Variants in MAST4 observed in about 807,000 individuals in gnomAD.
The protein encoded by MAST4 is microtubule-associated serine/threonine-protein kinase 4.
A neutral mutation model predicts 162.7 loss-of-function variants in MAST4; 89 were observed. The ratio of observed to expected loss-of-function variants is 0.55; its 90% CI spans 0.46 to 0.65. The LOEUF (loss-of-function observed/expected upper bound fraction) is 0.65. MAST4 is among the 30% of genes least tolerant of loss of function. The pLI, the probability that MAST4 is intolerant of heterozygous loss-of-function variation, is 0.00. For synonymous variants in MAST4, 1,479 were observed against 1,361.1 expected (o/e 1.09, Z -1.91); for missense variants, 3,153 against 3,374.0 (o/e 0.93, Z 1.62).
At chr5:67,035,423 G>A (rs1755890217) in intron 4 of MAST4, among the ~76,000 whole-genome samples, 1 of 152,166 alleles carries the variant, frequency 6.6e-6, no homozygotes, top group Non-Finnish European at 1.5e-5. Context: ...TGGTATTGTG[G>A]GTTGTCATTG....
intron 2 of MAST4, among the ~76,000 whole-genome samples, chr5:66,774,995 C>CTGTGTGTGTGTG (rs33936607): frequency 4.9e-5 from 7 of 142,158 alleles, no homozygotes; most frequent in African/African-American, 1.6e-4. Context: ...TATCCTTTTC[C>CTGTGTGTGTGTG]TGTGTGTGTG....
At chr5:67,101,119 G>C (rs957343566) in intron 8 of MAST4, among the ~76,000 whole-genome samples, 1 of 152,194 alleles carries the variant, frequency 6.6e-6, no homozygotes, top group Non-Finnish European at 1.5e-5. Context: ...CAGTTTTACT[G>C]TGAGTTTGTT....
chr5:66,963,831 G>T (rs1362705954), intron 4 of MAST4: 1 of 778,096 alleles, frequency 1.3e-6, no homozygotes. Flanking sequence ...TTGTCTTTCT[G>T]TTGCCCCATT....
At chr5:66,974,514 G>A (rs573274580) in intron 4 of MAST4, among the ~76,000 whole-genome samples, 1 of 152,286 alleles carries the variant, frequency 6.6e-6, no homozygotes, top group South Asian at 2.1e-4. Context: ...TTTGGGTTCT[G>A]GTAGTATTCA....
At chr5:67,078,047 C>G (rs1255081064) in intron 5 of MAST4, among the ~76,000 whole-genome samples, 2 of 152,062 alleles carry the variant, frequency 1.3e-5, no homozygotes, top group Non-Finnish European at 2.9e-5. Context: ...TACAGTGAGC[C>G]AAGATCGCGC....
intron 4 of MAST4, among the ~76,000 whole-genome samples, chr5:67,044,087 G>A (rs550624846): frequency 6.6e-6 from 1 of 152,312 alleles, no homozygotes; most frequent in African/African-American, 2.4e-5. Context: ...TTTATACTAT[G>A]TTTTAGGTAG....
intron 7 of MAST4, among the ~76,000 whole-genome samples, chr5:67,099,433 TA>T (rs1021858741): frequency 2.0e-5 from 3 of 152,104 alleles, no homozygotes; most frequent in African/African-American, 7.2e-5. Context: ...CTTTAGGCAT[TA>T]ATTTCTAGTT....
At position 66,615,883 on chromosome 5, in the gene MAST4, A is replaced by G. The variant is rs114048685; in HGVS notation, c.363+18865A>G. Among the ~76,000 whole-genome samples the G allele has an allele frequency of 3.5e-3, 539 of 152,342 alleles. 6 individuals are homozygous for G. Among genetic ancestry groups the G allele is most frequent in the African/African-American group, 0.012 (508 of 41,578 alleles). The stretch of plus-strand genomic sequence containing the variant: ...TCTCAAAGGTCATGTTTTTCCTTCT[A>G]TCCCTCCCATTTGCCTGCCCTCAGC... On this transcript the variant is annotated intron_variant, in intron 1 of 28. Transcript: ENST00000403625.
chr5:66,990,216 C>T (rs1415316298), intron 4 of MAST4, among the ~76,000 whole-genome samples: 3 of 152,156 alleles, frequency 2.0e-5, no homozygotes, highest in African/African-American at 7.2e-5. Context: ...AAAATACTAA[C>T]TATCCTAGCA....
At chr5:67,008,874 T>C (rs1228223468) in intron 4 of MAST4, among the ~76,000 whole-genome samples, 1 of 152,224 alleles carries the variant, frequency 6.6e-6, no homozygotes, top group African/African-American at 2.4e-5. Context: ...TTTTTATGCA[T>C]TCGGCATCTT....
At chr5:67,047,774 G>A (rs1757557359) in intron 4 of MAST4, among the ~76,000 whole-genome samples, 1 of 152,258 alleles carries the variant, frequency 6.6e-6, no homozygotes. Flanking sequence ...GGATCCCAGC[G>A]AGTTTCTTAA....
At chr5:67,040,580 C>T (rs530979850) in intron 4 of MAST4, among the ~76,000 whole-genome samples, 4 of 152,296 alleles carry the variant, frequency 2.6e-5, no homozygotes, top group Admixed American at 6.5e-5. Context: ...TTACTGCCTC[C>T]GGAAAAACCT....
chr5:67,015,134 T>G (rs1022209416), intron 4 of MAST4, among the ~76,000 whole-genome samples: 3 of 152,198 alleles, frequency 2.0e-5, no homozygotes. Flanking sequence ...CCAGAGTAAA[T>G]ATATATGCCC....
At chr5:66,877,149 A>C (rs1761357633) in intron 3 of MAST4, among the ~76,000 whole-genome samples, 1 of 152,058 alleles carries the variant, frequency 6.6e-6, no homozygotes, top group South Asian at 2.1e-4. Context: ...GAGTCAGCCT[A>C]CTCTCTCCTC....
intron 4 of MAST4, among the ~76,000 whole-genome samples, chr5:66,909,994 GA>G (rs970630434): frequency 6.6e-6 from 1 of 152,108 alleles, no homozygotes; most frequent in African/African-American, 2.4e-5. Flanking sequence ...TGAGTCTATT[GA>G]ACTTCTTTCC....
intron 1 of MAST4, among the ~76,000 whole-genome samples, chr5:66,742,076 C>T (rs1438346463): frequency 6.6e-6 from 1 of 152,308 alleles, no homozygotes; most frequent in Admixed American, 6.5e-5. Flanking sequence ...AGAAGCTTCC[C>T]CTTAGCTTGT....
intron 4 of MAST4, chr5:66,902,612 C>T (rs1320764000): frequency 2.3e-6 from 1 of 430,402 alleles, no homozygotes; most frequent in Admixed American, 2.9e-5. Context: ...TGAGAACTAA[C>T]TTGAAGACTC....
intron 5 of MAST4, among the ~76,000 whole-genome samples, chr5:67,066,065 T>C (rs1456869450): frequency 6.6e-6 from 1 of 151,758 alleles, no homozygotes; most frequent in Admixed American, 6.6e-5. Context: ...AATTTAGAAG[T>C]GTATAAATAC....
intron 4 of MAST4, among the ~76,000 whole-genome samples, chr5:66,973,723 G>A (rs1227224611): frequency 6.6e-6 from 1 of 152,152 alleles, no homozygotes; most frequent in Non-Finnish European, 1.5e-5. Context: ...GTTTGTCACA[G>A]TTGTTTATTT....
Sources: gnomAD v4.1 joint callset for allele counts (sites outside exome capture counted in the v4.1 genomes callset) on GRCh38, gnomAD v4.1.1 for gene constraint, MANE v1.5 for transcripts, NCBI Gene and HGNC (gene_info 2026-07-23, HGNC 2026-07-21) for gene names.